Variants in TSPAN13 observed in about 807,000 individuals in gnomAD.
TSPAN13 encodes tetraspanin-13.
In TSPAN13, 18 loss-of-function variants were observed where a neutral mutation model predicts 26.9. The ratio of observed to expected loss-of-function variants is 0.67; its 90% CI spans 0.46 to 0.99. The LOEUF (loss-of-function observed/expected upper bound fraction) is 0.99. Ranked by LOEUF, TSPAN13 falls within the 50% of genes least tolerant of loss-of-function variation. The pLI is 0.00. For missense variants in TSPAN13, 201 were observed against 249.6 expected (o/e 0.81, Z 1.31); for synonymous variants, 116 against 98.4 (o/e 1.18, Z -1.06).
intron 1 of TSPAN13, among the ~76,000 whole-genome samples, chr7:16,762,929 A>G (rs143949419): frequency 7.3e-4 from 111 of 152,296 alleles, no homozygotes; most frequent in African/African-American, 2.6e-3. Context: ...AAAGTATAAC[A>G]TTTTATAAGT....
chr7:16,776,879 AAAT>A (rs1190284257), intron 2 of TSPAN13, among the ~76,000 whole-genome samples, 160 bp from the exon 3 acceptor site: 1 of 152,326 alleles, frequency 6.6e-6, no homozygotes, highest in East Asian at 1.9e-4. Context: ...TGTATTACCA[AAAT>A]AATAATATGT....
At chr7:16,768,604 C>T (rs1471873761) in intron 1 of TSPAN13, among the ~76,000 whole-genome samples, 1 of 152,098 alleles carries the variant, frequency 6.6e-6, no homozygotes, top group African/African-American at 2.4e-5. Flanking sequence ...AAACTTGTTT[C>T]AAAGAAATTT....
chr7:16,754,130 C>A, intron 1 of TSPAN13, 100 bp downstream of exon 1: 1 of 1,232,800 alleles, frequency 8.1e-7, no homozygotes. Context: ...CGTTGCATCC[C>A]GCGCCCCCTT....
At chr7:16,766,261 A>G (rs1184595939) in intron 1 of TSPAN13, among the ~76,000 whole-genome samples, 2 of 152,244 alleles carry the variant, frequency 1.3e-5, no homozygotes, top group Non-Finnish European at 2.9e-5. Flanking sequence ...TTCATTAGAA[A>G]ATTGATTAGC....
chr7:16,758,000 A>AT (rs1222997162), intron 1 of TSPAN13, among the ~76,000 whole-genome samples: 2 of 151,956 alleles, frequency 1.3e-5, no homozygotes, highest in African/African-American at 4.8e-5. Context: ...TGTCCAGCTT[A>AT]TTTTTTGTAT....
chr7:16,776,078 A>G (rs1784739547), intron 1 of TSPAN13, 133 bp from the exon 2 acceptor site: 1 of 721,112 alleles, frequency 1.4e-6, no homozygotes, highest in Non-Finnish European at 2.2e-6. Flanking sequence ...TTCTTGTATT[A>G]AGTTTTAGTG....
At chr7:16,777,343 T>C (rs1319673894) in intron 3 of TSPAN13, among the ~76,000 whole-genome samples, 1 of 152,210 alleles carries the variant, frequency 6.6e-6, no homozygotes, top group Non-Finnish European at 1.5e-5. Flanking sequence ...CGGATTTTGC[T>C]TTCACTGGGT....
chr7:16,783,505 A>T lies in TSPAN13; in HGVS notation c.*14A>T. On this transcript the variant is annotated 3_prime_UTR_variant, in exon 6 of 6. Transcript: ENST00000262067. ...GCATTCCTTTGATGAGAAAACAAGG[A>T]AGATTTCCTTTCGTATTATGATCTT... 6.2e-7 allele frequency: 1 copy of T among 1,610,358 alleles called. No homozygotes were observed. The highest frequency in any genetic ancestry group is 8.5e-7 in the Non-Finnish European group (1 of 1,176,726).
intron 1 of TSPAN13, among the ~76,000 whole-genome samples, chr7:16,759,802 C>T (rs1365176714): frequency 1.3e-5 from 2 of 151,528 alleles, no homozygotes; most frequent in African/African-American, 2.4e-5. Flanking sequence ...GATCCTCCCA[C>T]ATCAGCCTAC....
At chr7:16,777,240 CT>C (rs1784761606) in intron 3 of TSPAN13, 118 bp downstream of exon 3, 2 of 694,974 alleles carry the variant, frequency 2.9e-6, no homozygotes, top group South Asian at 1.9e-5. Flanking sequence ...CACCTTCACT[CT>C]GGATAGCAAA....
intron 1 of TSPAN13, among the ~76,000 whole-genome samples, chr7:16,765,652 C>T (rs1175480625): frequency 6.6e-6 from 1 of 152,080 alleles, no homozygotes; most frequent in Non-Finnish European, 1.5e-5. Flanking sequence ...CTTTCTTTGT[C>T]TTAAGGAGAA....
intron 1 of TSPAN13, among the ~76,000 whole-genome samples, chr7:16,763,969 C>T (rs372949063): frequency 4.6e-5 from 7 of 152,136 alleles, no homozygotes; most frequent in South Asian, 2.1e-4. Flanking sequence ...TTTCAACACC[C>T]GCTTATGCTA....
rs185237793 is a variant in TSPAN13, at chr7:16,770,371, A to G, written c.64-5840A>G. ...CAGGTGCCCACCATCACACCCGGCTATTTTTTAAAAAATATTTTGGTAGAG... is the reference window on the plus strand; with the variant it reads ...CAGGTGCCCACCATCACACCCGGCTGTTTTTTAAAAAATATTTTGGTAGAG... On this transcript the variant is annotated intron_variant, in intron 1 of 5. Coordinates refer to ENST00000262067, the MANE Select transcript of TSPAN13 (RefSeq NM_014399.4). 3.5e-3 allele frequency among the ~76,000 whole-genome samples: 533 copies of G among 151,964 alleles called. 8 individuals carry two copies. The highest frequency in any genetic ancestry group is 0.012 in the African/African-American group (502 of 41,474).
intron 1 of TSPAN13, among the ~76,000 whole-genome samples, chr7:16,760,619 A>G (rs1784532252): frequency 6.6e-6 from 1 of 152,192 alleles, no homozygotes; most frequent in East Asian, 1.9e-4. Context: ...TAGTGAGGGT[A>G]GATGGAGAAG....
At chr7:16,757,049 A>G (rs1183608691) in intron 1 of TSPAN13, among the ~76,000 whole-genome samples, 1 of 152,220 alleles carries the variant, frequency 6.6e-6, no homozygotes, top group Non-Finnish European at 1.5e-5. Context: ...AAATACCTAT[A>G]AAGGCAAATG....
intron 1 of TSPAN13, among the ~76,000 whole-genome samples, chr7:16,770,475 G>A (rs1323838284): frequency 6.6e-6 from 1 of 152,190 alleles, no homozygotes; most frequent in East Asian, 1.9e-4. Flanking sequence ...CTCCCAAAGT[G>A]TTGGGATTAC....
rs1198144805 is a variant in TSPAN13, at chr7:16,753,965, A to G, written c.-3A>G. 1 of 1,612,734 alleles carries G rather than the reference A, an allele frequency of 6.2e-7. No individual in the cohort carries two copies. The highest frequency in any genetic ancestry group is 2.2e-5 in the East Asian group (1 of 44,814). ...GCAGCTGCCGGCAACCACAGGTTCCAAGATGGTTTGCGGGGGCTTCGCGTG... is the reference window on the plus strand; with the variant it reads ...GCAGCTGCCGGCAACCACAGGTTCCGAGATGGTTTGCGGGGGCTTCGCGTG... On this transcript the variant is annotated 5_prime_UTR_variant, in exon 1 of 6. Transcript: ENST00000262067.
chr7:16,771,741 A>T (rs923989143), intron 1 of TSPAN13, among the ~76,000 whole-genome samples: 9 of 152,222 alleles, frequency 5.9e-5, no homozygotes, highest in Non-Finnish European at 1.0e-4. Context: ...GTGTTATTTT[A>T]AGCCACTACA....
chr7:16,760,751 G>C (rs1784533485), intron 1 of TSPAN13, among the ~76,000 whole-genome samples: 1 of 152,170 alleles, frequency 6.6e-6, no homozygotes, highest in African/African-American at 2.4e-5. Context: ...ATTGCAGAGA[G>C]GTTGGTGTCT....
Sources: allele counts gnomAD v4.1 joint callset (sites outside exome capture counted in the v4.1 genomes callset), GRCh38; gene constraint gnomAD v4.1.1; transcripts MANE v1.5; gene names NCBI Gene and HGNC (gene_info 2026-07-23, HGNC 2026-07-21).